Variants in PCGF3 observed in about 807,000 individuals in gnomAD.
PCGF3 encodes polycomb group ring finger 3.
In PCGF3, 7 loss-of-function variants were observed where a neutral mutation model predicts 33.1. The observed-to-expected ratio is 0.21, with a 90% confidence interval of 0.12 to 0.40. The LOEUF is 0.40. Ranked by LOEUF, PCGF3 falls within the 10% of genes least tolerant of loss-of-function variation. The pLI is 1.00. For synonymous variants in PCGF3, 153 were observed against 121.3 expected, an observed-to-expected ratio of 1.26 and a Z score of -1.72; for missense variants, 211 against 313.3, an observed-to-expected ratio of 0.67 and a Z score of 2.46.
chr4:760,310 C>T (rs1016650260), intron 8 of PCGF3, among the ~76,000 whole-genome samples: 1 of 152,188 alleles, frequency 6.6e-6, no homozygotes, highest in African/African-American at 2.4e-5. Flanking sequence ...TTTCTCTTAG[C>T]CTTCCTTTTA....
chr4:743,783 A>C, intron 7 of PCGF3, 199 bp downstream of exon 7: 1 of 503,476 alleles, frequency 2.0e-6, no homozygotes, highest in Non-Finnish European at 3.6e-6. Context: ...CAGAGGGGAA[A>C]AGCCAGCAGG....
At chr4:758,420 G>C (rs1239286364) in intron 8 of PCGF3, among the ~76,000 whole-genome samples, 1 of 134,134 alleles carries the variant, frequency 7.5e-6, no homozygotes, top group East Asian at 2.3e-4. Context: ...CTTTCTCCCC[G>C]CGCGGCCCCT....
rs1744616631 is a variant in PCGF3 at position 753,442 on chromosome 4, C to A, written c.463-7837C>A. Reference sequence around the variant, plus strand: ...GGCCGAGGCAGGCGGATCACAAGGTCAGGAGATCAAGACCATCCTGGCTAG... The same window carrying A: ...GGCCGAGGCAGGCGGATCACAAGGTAAGGAGATCAAGACCATCCTGGCTAG... On this transcript the variant is annotated intron_variant, in intron 8 of 10. Transcript: ENST00000362003. Among the ~76,000 whole-genome samples, 6 of 152,202 alleles carry A rather than the reference C, an allele frequency of 3.9e-5. No homozygotes were observed. The South Asian group carries it at 1.0e-3, about 26-fold the overall frequency.
In PCGF3 at chr4:734,492, C is replaced by T. The variant is rs146585386; in HGVS notation, c.110-439C>T. ...CAATTTGATAGAATTTTGACTTTAA[C>T]GTTAATCGTATTTTTAGATATTGGT... On this transcript the variant is annotated intron_variant, in intron 4 of 10. Coordinates refer to ENST00000362003, the Ensembl canonical transcript of PCGF3. The T allele has an allele frequency of 5.7e-5, 69 of 1,219,464 alleles. No individual in the cohort carries two copies. In the African/African-American group the frequency reaches 7.9e-4, roughly 14 times the overall value. The allele number at this position is 1,219,464 out of a possible 1,614,324, so 75.5% of individuals were successfully genotyped here. A position where few individuals can be genotyped will look rare whatever the true frequency, so the allele number is the denominator to read the frequency against.
At chr4:765,581 A>G (rs1745322421) in intron 10 of PCGF3, among the ~76,000 whole-genome samples, 1 of 152,218 alleles carries the variant, frequency 6.6e-6, no homozygotes, top group Admixed American at 6.5e-5. Flanking sequence ...TGCTGAGGCC[A>G]TGAGTGCCAT....
intron 8 of PCGF3, 42 bp from the exon 9 acceptor site, chr4:761,237 G>A (rs2242233): frequency 0.27 from 412,626 of 1,509,794 alleles, 59,203 homozygotes; most frequent in Middle Eastern, 0.37. Context: ...ACCGTCCGGG[G>A]GAACCCTCCT....
intron 8 of PCGF3, among the ~76,000 whole-genome samples, chr4:758,503 C>G (rs1163059415): frequency 2.2e-5 from 3 of 135,946 alleles, no homozygotes; most frequent in African/African-American, 8.2e-5. Context: ...TCTTCTCGCT[C>G]CGGACTCTGG....
In PCGF3 at chr4:720,564, G is replaced by A. The variant is rs977461700; in HGVS notation, c.-189-10066G>A. 6.6e-5 allele frequency among the ~76,000 whole-genome samples: 10 copies of A among 152,262 alleles called. No individual in the cohort carries two copies. The highest frequency in any genetic ancestry group is 1.9e-4 in the East Asian group (1 of 5,176). On this transcript the variant is annotated intron_variant, in intron 1 of 10. Transcript: ENST00000362003. This position sits in a 1 kb window ranked among gnomAD's most constrained non-coding sequence, Gnocchi z 5.6. ...AGGCTGATGTGGACGCAGCCCCGACGTGAACAGGACCCCACGTGGACGGGC... is the reference window on the plus strand; with the variant it reads ...AGGCTGATGTGGACGCAGCCCCGACATGAACAGGACCCCACGTGGACGGGC...
intron 1 of PCGF3, chr4:724,999 T>G (rs1256878274): frequency 6.6e-6 from 1 of 151,456 alleles, no homozygotes; most frequent in African/African-American, 2.4e-5. Context: ...ACTGTCTTAG[T>G]GTTGATAAAT....
At chr4:744,078 G>A (rs1744209439) in intron 7 of PCGF3, 1 of 165,984 alleles carries the variant, frequency 6.0e-6, no homozygotes, top group African/African-American at 2.4e-5. Flanking sequence ...CAGTTGGAGG[G>A]TGGGAGGGGC....
chr4:761,495 T>G, intron 9 of PCGF3, 79 bp downstream of exon 9: 1 of 1,450,532 alleles, frequency 6.9e-7, no homozygotes, highest in Non-Finnish European at 9.2e-7. Context: ...CTTTGCTTAG[T>G]TTTGTTTTGT....
intron 1 of PCGF3, among the ~76,000 whole-genome samples, chr4:713,735 G>A (rs1325173855): frequency 6.6e-6 from 1 of 152,172 alleles, no homozygotes; most frequent in Non-Finnish European, 1.5e-5. Flanking sequence ...GCTGTTCTGA[G>A]GCGGCATGAG....
chr4:766,091 C>T, exon 11 of PCGF3: 1 of 1,613,276 alleles, frequency 6.2e-7, no homozygotes, highest in Non-Finnish European at 8.5e-7. Context: ...TGGTGCCACA[C>T]AGCGCCCACA....
rs1264373677 is a variant in PCGF3 at position 732,139 on chromosome 4, G to A, written c.-10+1029G>A. ...GGCGTGGTCCTCAGGGGCGTAGGGCGGGGCTCCCCTCCCCTCGTGAGTGGG... is the reference window on the plus strand; with the variant it reads ...GGCGTGGTCCTCAGGGGCGTAGGGCAGGGCTCCCCTCCCCTCGTGAGTGGG... On this transcript the variant is annotated intron_variant, in intron 3 of 10. Coordinates refer to ENST00000362003, the Ensembl canonical transcript of PCGF3. Among the ~76,000 whole-genome samples, 37 of 110,334 alleles carry A rather than the reference G, an allele frequency of 3.4e-4. 2 individuals carry two copies. Among genetic ancestry groups the A allele is most frequent in the East Asian group, 3.1e-3 (10 of 3,242 alleles). 72.4% of individuals were successfully genotyped at this position (110,334 alleles called of 152,430 possible).
chr4:714,695 C>T (rs1002764145), intron 1 of PCGF3, among the ~76,000 whole-genome samples: 2 of 152,340 alleles, frequency 1.3e-5, no homozygotes, highest in Admixed American at 1.3e-4. Flanking sequence ...CTTCCCACCC[C>T]ACTGCCTTCT....
Position 721,457 on chromosome 4 carries a change from A to G in PCGF3, c.-189-9173A>G, listed in dbSNP as rs1287214196. Among the ~76,000 whole-genome samples the G allele has an allele frequency of 6.6e-6, 1 of 152,128 alleles. No homozygotes were observed. The highest frequency in any genetic ancestry group is 1.5e-5 in the Non-Finnish European group (1 of 68,016). On this transcript the variant is annotated intron_variant, in intron 1 of 10. Transcript: ENST00000362003. The surrounding 1 kb of genome is among the most constrained non-coding windows in gnomAD (Gnocchi z 4.1). ...GGGCTGGGCAGTCAGCCAGACGGGA[A>G]AGGGGGCTGAGGCGTCCAGGCTGCA...
rs1371649057 is a variant in PCGF3 at position 718,325 on chromosome 4, C to A, written c.-189-12305C>A. ...GCGCCCCCGAGCTCCCTGGGTATAACCTGCCTGGGCCTCCTGGACAGCTGC... is the reference window on the plus strand; with the variant it reads ...GCGCCCCCGAGCTCCCTGGGTATAAACTGCCTGGGCCTCCTGGACAGCTGC... On this transcript the variant is annotated intron_variant, in intron 1 of 10. Transcript: ENST00000362003. Among the ~76,000 whole-genome samples, 7 of 152,162 alleles carry A rather than the reference C, an allele frequency of 4.6e-5. No homozygotes were observed. In the East Asian group the frequency reaches 1.4e-3, roughly 30 times the overall value.
At chr4:712,806 C>T (rs1348075319) in intron 1 of PCGF3, among the ~76,000 whole-genome samples, 1 of 152,186 alleles carries the variant, frequency 6.6e-6, no homozygotes, top group Non-Finnish European at 1.5e-5. Flanking sequence ...TTTCTTTTTT[C>T]TTTTTTTCAA....
chr4:744,274 G>A (rs1293852874), intron 7 of PCGF3, among the ~76,000 whole-genome samples: 3 of 152,238 alleles, frequency 2.0e-5, no homozygotes, highest in Non-Finnish European at 4.4e-5. Flanking sequence ...AGGGGCTGAT[G>A]TGGTCAGCAC....
Sources: gnomAD v4.1 joint callset for allele counts (sites outside exome capture counted in the v4.1 genomes callset) on GRCh38, gnomAD v4.1.1 for gene constraint, Gnocchi (gnomAD v3.1) non-coding constraint, MANE v1.5 for transcripts, NCBI Gene and HGNC (gene_info 2026-07-23, HGNC 2026-07-21) for gene names.